The following NUTM2F variants were observed in gnomAD, a reference collection of about 807,000 sequenced individuals.
NUTM2F encodes family with sequence similarity 22, member F.
A neutral mutation model predicts 43.3 loss-of-function variants in NUTM2F; 22 were observed. The observed-to-expected ratio is 0.51, with a 90% CI of 0.36 to 0.73. The LOEUF (loss-of-function observed/expected upper bound fraction) is 0.73, where lower values mean the gene tolerates loss of function less well. Among genes scored for constraint, NUTM2F ranks in the 30% least tolerant of loss-of-function variants. NUTM2F has a pLI of 0.00. For missense variants in NUTM2F, 488 were observed against 927.4 expected, an observed-to-expected ratio of 0.53 and a Z score of 6.15; for synonymous variants, 202 against 389.0, an observed-to-expected ratio of 0.52 and a Z score of 5.66.
At position 94,321,090 on chromosome 9, in the gene NUTM2F, T is replaced by C. The variant is rs1252227612; in HGVS notation, c.982+3A>G. 5 of 1,545,636 alleles carry C rather than the reference T, an allele frequency of 3.2e-6. No individual in the cohort carries two copies. The Admixed American group carries it at 5.7e-5, about 18-fold the overall frequency. Reference sequence around the variant, plus strand: ...GCTCCTGTGGGAATGTGGGAAGCTGTACCTGGCTGCTTGACCACCTCAGGG... The same window carrying C: ...GCTCCTGTGGGAATGTGGGAAGCTGCACCTGGCTGCTTGACCACCTCAGGG... On this transcript the variant is annotated splice_donor_region_variant and intron_variant, in intron 4 of 6. Coordinates refer to ENST00000253262, the MANE Select transcript of NUTM2F (RefSeq NM_017561.2).
At chr9:94,319,988 C>CAGGTA (rs1411879036) in intron 5 of NUTM2F, among the ~76,000 whole-genome samples, 2 of 152,250 alleles carry the variant, frequency 1.3e-5, no homozygotes, top group Non-Finnish European at 2.9e-5. Context: ...GTAACATACA[C>CAGGTA]ACTCCACACT....
chr9:94,324,604 A>G (rs1234060097), intron 2 of NUTM2F, among the ~76,000 whole-genome samples: 1 of 146,894 alleles, frequency 6.8e-6, no homozygotes, highest in Non-Finnish European at 1.5e-5. Context: ...TAGAGCTTGC[A>G]GTGAGCCAAG....
chr9:94,326,023 G>C (rs1343249459), intron 1 of NUTM2F, 89 bp from the exon 2 acceptor site: 2 of 1,455,672 alleles, frequency 1.4e-6, no homozygotes. Flanking sequence ...AACAGCTGAG[G>C]GCATGTGACA....
intron 2 of NUTM2F, 125 bp downstream of exon 2, chr9:94,325,113 T>G: frequency 1.1e-6 from 1 of 940,694 alleles, no homozygotes; most frequent in South Asian, 1.7e-5. Context: ...TACCTTCCCA[T>G]AGCACAACCC....
chr9:94,327,249 G>A (rs1302955774), intron 1 of NUTM2F, among the ~76,000 whole-genome samples: 1 of 151,930 alleles, frequency 6.6e-6, no homozygotes, highest in East Asian at 2.0e-4. Context: ...GATTACAGGC[G>A]CCCGCCACCA....
Position 94,320,327 on chromosome 9 carries a change from C to T in NUTM2F, c.1249G>A (p.Glu417Lys). 6.2e-7 allele frequency: 1 copy of T among 1,613,878 alleles called. No homozygotes were observed. The highest frequency in any genetic ancestry group is 8.5e-7 in the Non-Finnish European group (1 of 1,179,858). Residue 417 changes from glutamate (E) to lysine (K), a missense_variant, in exon 5 of 7, where the codon GAG becomes AAG. Glu to Lys is a moderately conservative substitution (Grantham distance 56). Coordinates refer to ENST00000253262, the MANE Select transcript of NUTM2F (RefSeq NM_017561.2). This position sits in a 1 kb window ranked among gnomAD's most constrained non-coding sequence, Gnocchi z 4.5. ...GSHPGDTGEP[E>K]GQREKGKVEQ... The stretch of plus-strand genomic sequence containing the variant: ...ACTTTGCCCTTTTCCCGTTGTCCCT[C>T]AGGCTCCCCTGTGTCCCCAGGGTGA...
At position 94,320,058 on chromosome 9, in the gene NUTM2F, C is replaced by T; in HGVS notation, c.1368+150G>A. The T allele has an allele frequency of 1.3e-6, 1 of 745,218 alleles. No homozygotes were observed. The allele number at this position is 745,218 out of a possible 1,614,324, so 46.2% of individuals were successfully genotyped here. A position where few individuals can be genotyped will look rare whatever the true frequency, so the allele number is the denominator to read the frequency against. On this transcript the variant is annotated intron_variant, in intron 5 of 6. Coordinates refer to ENST00000253262, the MANE Select transcript of NUTM2F (RefSeq NM_017561.2). This position sits in a 1 kb window ranked among gnomAD's most constrained non-coding sequence, Gnocchi z 4.5. Reference sequence around the variant, plus strand: ...AATCACAGACACAAACACACAGCAACACACAGACACACACAGTCACATACA... The same window carrying T: ...AATCACAGACACAAACACACAGCAATACACAGACACACACAGTCACATACA...
chr9:94,319,544 G>T (rs960905016), intron 6 of NUTM2F, 69 bp downstream of exon 6: 159 of 1,600,908 alleles, frequency 9.9e-5, no homozygotes, highest in Admixed American at 1.3e-4. Flanking sequence ...TAGACAATCG[G>T]GTGGGCCTTG....
At chr9:94,326,334 C>T (rs1342642973) in intron 1 of NUTM2F, among the ~76,000 whole-genome samples, 7 of 151,922 alleles carry the variant, frequency 4.6e-5, no homozygotes, top group Admixed American at 3.9e-4. Flanking sequence ...CAGTGCTCGG[C>T]ATTCAGAAGG....
intron 2 of NUTM2F, among the ~76,000 whole-genome samples, chr9:94,323,168 G>A (rs1240158573): frequency 2.0e-5 from 3 of 152,064 alleles, no homozygotes; most frequent in Admixed American, 1.3e-4. Flanking sequence ...CCAAGGCAAA[G>A]GCCTGTGAGC....
intron 1 of NUTM2F, among the ~76,000 whole-genome samples, chr9:94,327,131 T>G: frequency 7.4e-6 from 1 of 135,020 alleles, no homozygotes; most frequent in African/African-American, 2.8e-5. Flanking sequence ...TGAGACGGAG[T>G]CTCGCTCTGT....
In NUTM2F at chr9:94,325,462, A is replaced by G. The variant is rs1564102963; in HGVS notation, c.489T>C (p.Ala163=). 9.2e-7 allele frequency: 1 copy of G among 1,083,298 alleles called. No homozygotes were observed. Among genetic ancestry groups the G allele is most frequent in the Non-Finnish European group, 1.3e-6 (1 of 789,052 alleles). 67.1% of individuals were successfully genotyped at this position (1,083,298 alleles called of 1,614,324 possible). ...GGGACACGATGGGGGCCACCTGGGCAGCCGGTGGTGGTGGTGGAAGAGGAA... is the reference window on the plus strand; with the variant it reads ...GGGACACGATGGGGGCCACCTGGGCGGCCGGTGGTGGTGGTGGAAGAGGAA... ...HGLPLPPPPP[A]AQVAPIVSPG... Residue 163 remains alanine, a synonymous_variant, in exon 2 of 7, where the codon GCT becomes GCC. Coordinates refer to ENST00000253262, the MANE Select transcript of NUTM2F (RefSeq NM_017561.2).
chr9:94,320,790 C>G lies in NUTM2F; in HGVS notation c.983-197G>C, dbSNP rs1001051285. On this transcript the variant is annotated intron_variant, in intron 4 of 6. Coordinates refer to ENST00000253262, the MANE Select transcript of NUTM2F (RefSeq NM_017561.2). The surrounding 1 kb of genome is among the most constrained non-coding windows in gnomAD (Gnocchi z 4.5). ...CGCTTGGGAGGAAGTTTGGAGCCAC[C>G]GATATGCCGTGTACTCTCCCCGCTC... Among the ~76,000 whole-genome samples the G allele has an allele frequency of 2.0e-5, 3 of 152,124 alleles. No homozygotes were observed. Among genetic ancestry groups the G allele is most frequent in the African/African-American group, 7.2e-5 (3 of 41,416 alleles).
chr9:94,322,776 C>T (rs1831395523), intron 2 of NUTM2F, among the ~76,000 whole-genome samples: 1 of 151,984 alleles, frequency 6.6e-6, no homozygotes, highest in African/African-American at 2.4e-5. Flanking sequence ...AGAGGCAGCT[C>T]TCTCCAGCCA....
At chr9:94,327,868 C>A (rs959172841) in intron 1 of NUTM2F, among the ~76,000 whole-genome samples, 1 of 148,644 alleles carries the variant, frequency 6.7e-6, no homozygotes, top group Non-Finnish European at 1.5e-5. Flanking sequence ...AGCTAGCTGA[C>A]GAGAGGAAGT....
chr9:94,323,823 C>T (rs1296064349), intron 2 of NUTM2F, among the ~76,000 whole-genome samples: 1 of 152,178 alleles, frequency 6.6e-6, no homozygotes, highest in Non-Finnish European at 1.5e-5. Flanking sequence ...TGTGCAGGCT[C>T]CACCACCGCT....
intron 3 of NUTM2F, 69 bp downstream of exon 3, chr9:94,322,132 G>A (rs984242840): frequency 2.8e-5 from 44 of 1,595,998 alleles, no homozygotes; most frequent in Admixed American, 3.5e-5. Flanking sequence ...AAGCCACCAC[G>A]GCCACCGGGC....
Position 94,318,438 on chromosome 9 carries a change from AT to A in NUTM2F, c.*26del, listed in dbSNP as rs1831301511. 1.7e-6 allele frequency: 1 copy of A among 588,504 alleles called. No homozygotes were observed. Among genetic ancestry groups the A allele is most frequent in the Non-Finnish European group, 2.8e-6 (1 of 357,914 alleles). The allele number at this position is 588,504 out of a possible 1,614,324, so 36.5% of individuals were successfully genotyped here. A position where few individuals can be genotyped will look rare whatever the true frequency, so the allele number is the denominator to read the frequency against. On this transcript the variant is annotated 3_prime_UTR_variant, in exon 7 of 7. Transcript: ENST00000253262. ...CAGAGCCCCACTTTTGGGGACTGGC[AT>A]CAGAGAGTCTGCCCCATGGCGGCCC... is the stretch of plus-strand genomic sequence containing the variant.
Position 94,322,242 on chromosome 9 carries a change from C to T in NUTM2F, c.801G>A (p.Thr267=), listed in dbSNP as rs1831384249. The change falls in exon 3 of 7, where the codon ACG becomes ACA. Residue 267 remains threonine, a synonymous_variant. Transcript: ENST00000253262. ...LWQAMREWQH[T]SNFDRMIFYE... Reference sequence around the variant, plus strand: ...AGAAGATCATCCGGTCAAAGTTGCTCGTGTGCTGCCATTCCCGCATGGCCT... The same window carrying T: ...AGAAGATCATCCGGTCAAAGTTGCTTGTGTGCTGCCATTCCCGCATGGCCT... 6 of 1,612,098 alleles carry T rather than the reference C, an allele frequency of 3.7e-6. No homozygotes were observed. The highest frequency in any genetic ancestry group is 5.1e-6 in the Non-Finnish European group (6 of 1,179,888).
Sources: allele counts gnomAD v4.1 joint callset (sites outside exome capture counted in the v4.1 genomes callset), GRCh38; gene constraint gnomAD v4.1.1; non-coding constraint Gnocchi (gnomAD v3.1); transcripts MANE v1.5; gene names NCBI Gene and HGNC (gene_info 2026-07-23, HGNC 2026-07-21).